Variants in CNTN3 observed in about 807,000 individuals in gnomAD.
CNTN3 encodes contactin 3, also known as contactin-3.
Under a neutral mutation model 119.1 loss-of-function variants are expected in CNTN3, and 60 were observed. The observed-to-expected ratio is 0.50, with a 90% CI of 0.41 to 0.62. The LOEUF (loss-of-function observed/expected upper bound fraction) is 0.62, where lower values mean the gene tolerates loss of function less well. Ranked by LOEUF, CNTN3 falls within the 20% of genes least tolerant of loss-of-function variation. CNTN3 has a pLI of 0.00. For missense variants in CNTN3, 1,101 were observed against 1,242.4 expected, an observed-to-expected ratio of 0.89 and a Z score of 1.71; for synonymous variants, 450 against 438.7, an observed-to-expected ratio of 1.03 and a Z score of -0.32.
At chr3:74,333,359 G>C (rs1703312528) in intron 13 of CNTN3, among the ~76,000 whole-genome samples, 1 of 152,216 alleles carries the variant, frequency 6.6e-6, no homozygotes, top group Non-Finnish European at 1.5e-5. Context: ...CTGAAATCAA[G>C]GTGCTGGCAG....
chr3:74,383,646 G>A (rs35793723), intron 5 of CNTN3, among the ~76,000 whole-genome samples: 3,242 of 152,106 alleles, frequency 0.021, 42 homozygotes, highest in Non-Finnish European at 0.033. Flanking sequence ...CATGACGCCT[G>A]GCTAATTTTC....
chr3:74,579,838 C>T (rs955867546), intron 1 of CNTN3, among the ~76,000 whole-genome samples: 8 of 152,114 alleles, frequency 5.3e-5, no homozygotes, highest in Non-Finnish European at 8.8e-5. Flanking sequence ...TCGGAGCTCT[C>T]GCTTTAGGAA....
intron 1 of CNTN3, among the ~76,000 whole-genome samples, chr3:74,523,017 A>G (rs551102441): frequency 6.6e-6 from 1 of 151,914 alleles, no homozygotes; most frequent in East Asian, 2.0e-4. Flanking sequence ...ATCAATCATT[A>G]TACTGCTCAA....
chr3:74,383,317 G>C (rs1203552754), intron 5 of CNTN3, among the ~76,000 whole-genome samples: 1 of 152,058 alleles, frequency 6.6e-6, no homozygotes, highest in Non-Finnish European at 1.5e-5. Context: ...CACCTATCTA[G>C]TTACCAGCAC....
At chr3:74,604,717 G>C (rs1354386369) in intron 1 of CNTN3, among the ~76,000 whole-genome samples, 1 of 152,026 alleles carries the variant, frequency 6.6e-6, no homozygotes, top group East Asian at 1.9e-4. Flanking sequence ...GTCAATTACT[G>C]TAACCATTAT....
chr3:74,272,718 A>G (rs1701802316), intron 20 of CNTN3, among the ~76,000 whole-genome samples: 2 of 152,180 alleles, frequency 1.3e-5, no homozygotes, highest in South Asian at 4.1e-4. Context: ...GCTTGAAGAG[A>G]AAGTTAGATT....
At chr3:74,558,349 A>G (rs1020804967) in intron 1 of CNTN3, among the ~76,000 whole-genome samples, 3 of 152,178 alleles carry the variant, frequency 2.0e-5, no homozygotes, top group Non-Finnish European at 4.4e-5. Context: ...TCTGTCTCAG[A>G]GTCCATTTCC....
intron 4 of CNTN3, among the ~76,000 whole-genome samples, chr3:74,427,427 T>A (rs1262978855): frequency 6.6e-6 from 1 of 152,126 alleles, no homozygotes; most frequent in Non-Finnish European, 1.5e-5. Flanking sequence ...CATGTTACAG[T>A]CAAGGTATAG....
intron 3 of CNTN3, among the ~76,000 whole-genome samples, chr3:74,491,549 C>A (rs1247852898): frequency 6.6e-6 from 1 of 151,978 alleles, no homozygotes; most frequent in African/African-American, 2.4e-5. Context: ...TGAAGGGATA[C>A]GCAGGTTCAG....
intron 1 of CNTN3, among the ~76,000 whole-genome samples, chr3:74,545,976 A>G (rs1703908664): frequency 6.6e-6 from 1 of 151,598 alleles, no homozygotes; most frequent in African/African-American, 2.4e-5. Context: ...ATTTGGTTTC[A>G]TTTCTTGAAC....
Position 74,361,966 on chromosome 3 carries a change from C to T in CNTN3, c.1288G>A (p.Asp430Asn), listed in dbSNP as rs1244481906. Reference sequence around the variant, plus strand: ...CTTGGGGAGGCTCTGGGTTTACAATCCAAGCTGACCAGGCTGCCCACCTGC... The same window carrying T: ...CTTGGGGAGGCTCTGGGTTTACAATTCAAGCTGACCAGGCTGCCCACCTGC... ...QVQVGSLVSL[D>N]CKPRASPRAL... The change falls in exon 11 of 23, where the codon GAT (aspartate) becomes AAT (asparagine). Residue 430 changes from aspartate (D) to asparagine (N), a missense_variant. Transcript: ENST00000263665. The T allele has an allele frequency of 1.2e-6, 2 of 1,613,854 alleles. No homozygotes were observed. Among genetic ancestry groups the T allele is most frequent in the Admixed American group, 1.7e-5 (1 of 59,990 alleles).
At chr3:74,332,609 G>A (rs933538824) in intron 13 of CNTN3, among the ~76,000 whole-genome samples, 2 of 152,108 alleles carry the variant, frequency 1.3e-5, no homozygotes, top group Non-Finnish European at 1.5e-5. Context: ...CAGTCTTAGT[G>A]TTTCTTTGTA....
In CNTN3 at chr3:74,329,179, C is replaced by T. The variant is rs777026904; in HGVS notation, c.1668+5556G>A. ...ATTTCAAAGATATTCTTTTCTACCA[C>T]TGAGAGCTGAAAAATACATCAAATC... On this transcript the variant is annotated intron_variant, in intron 13 of 22. Coordinates refer to ENST00000263665, the MANE Select transcript of CNTN3 (RefSeq NM_020872.3). 3.3e-5 allele frequency among the ~76,000 whole-genome samples: 5 copies of T among 152,296 alleles called. No individual in the cohort carries two copies. The South Asian group carries it at 1.0e-3, about 32-fold the overall frequency.
chr3:74,542,234 T>A (rs1464286013), intron 1 of CNTN3, among the ~76,000 whole-genome samples: 1 of 152,118 alleles, frequency 6.6e-6, no homozygotes, highest in East Asian at 1.9e-4. Flanking sequence ...AATAATTTTT[T>A]AAATGTAGCA....
At chr3:74,337,010 G>A (rs568218427) in intron 11 of CNTN3, among the ~76,000 whole-genome samples, 1 of 152,158 alleles carries the variant, frequency 6.6e-6, no homozygotes, top group South Asian at 2.1e-4. Context: ...TATTCATGGA[G>A]TTAGCCTAAT....
intron 1 of CNTN3, among the ~76,000 whole-genome samples, chr3:74,609,758 A>T (rs1403782622): frequency 6.6e-6 from 1 of 152,208 alleles, no homozygotes; most frequent in Non-Finnish European, 1.5e-5. Context: ...TCATAGGTTT[A>T]TCAAACTCCA....
intron 20 of CNTN3, among the ~76,000 whole-genome samples, chr3:74,281,672 C>T (rs1441017485): frequency 6.6e-6 from 1 of 152,024 alleles, no homozygotes; most frequent in Admixed American, 6.6e-5. Flanking sequence ...CTTGATAAAT[C>T]TAAAAGTAAG....
intron 13 of CNTN3, among the ~76,000 whole-genome samples, chr3:74,333,739 C>T (rs1702841028): frequency 6.6e-6 from 1 of 152,116 alleles, no homozygotes; most frequent in Admixed American, 6.5e-5. Flanking sequence ...AAAACGCCAT[C>T]CTTTAAGTTG....
intron 17 of CNTN3, 24 bp downstream of exon 17, chr3:74,299,844 G>T: frequency 6.3e-7 from 1 of 1,592,598 alleles, no homozygotes; most frequent in Non-Finnish European, 8.6e-7. Context: ...ACCCTGATGG[G>T]GAAGATGCTG....
Sources: gnomAD v4.1 joint callset for allele counts (sites outside exome capture counted in the v4.1 genomes callset) on GRCh38, gnomAD v4.1.1 for gene constraint, MANE v1.5 for transcripts, NCBI Gene and HGNC (gene_info 2026-07-23, HGNC 2026-07-21) for gene names.